Variants in TOM1L1 observed in about 807,000 individuals in gnomAD.
TOM1L1 encodes TOM1-like protein 1.
A neutral mutation model predicts 63.4 loss-of-function variants in TOM1L1; 64 were observed. The observed-to-expected ratio is 1.01, with a 90% CI of 0.83 to 1.24. The LOEUF (loss-of-function observed/expected upper bound fraction) is 1.24. Among genes scored for constraint, TOM1L1 ranks in the 50% most tolerant of loss-of-function variants. TOM1L1 has a pLI of 0.00. For synonymous variants in TOM1L1, 166 were observed against 194.4 expected, an observed-to-expected ratio of 0.85 and a Z score of 1.22; for missense variants, 536 against 567.0, an observed-to-expected ratio of 0.95 and a Z score of 0.55.
chr17:54,928,837 T>G (rs1225920223), intron 7 of TOM1L1, among the ~76,000 whole-genome samples: 1 of 152,212 alleles, frequency 6.6e-6, no homozygotes, highest in Non-Finnish European at 1.5e-5. Context: ...TATGTCATGT[T>G]GTCTTTTCAA....
chr17:54,912,009 C>T (rs2048504982), intron 3 of TOM1L1, among the ~76,000 whole-genome samples: 1 of 152,184 alleles, frequency 6.6e-6, no homozygotes, highest in Non-Finnish European at 1.5e-5. Context: ...GATGCCTCTA[C>T]TAGAGACAGA....
In TOM1L1 at chr17:54,950,517, T is replaced by C. The variant is rs375121293; in HGVS notation, c.1370+391T>C. Among the ~76,000 whole-genome samples the C allele has an allele frequency of 4.6e-5, 7 of 152,324 alleles. No homozygotes were observed. The East Asian group carries it at 1.4e-3, about 29-fold the overall frequency. ...TATGAACTGATCCAAAAAAATCTTA[T>C]ATTAGAACTTGTTTTTAGTCTTCTA... On this transcript the variant is annotated intron_variant, in intron 14 of 15. Transcript: ENST00000575882.
In TOM1L1 at chr17:54,914,719, G is replaced by T; in HGVS notation, c.579G>T (p.Ser193=). The T allele has an allele frequency of 6.2e-7, 1 of 1,613,160 alleles. No homozygotes were observed. The highest frequency in any genetic ancestry group is 1.1e-5 in the South Asian group (1 of 91,028). The change falls in exon 6 of 16, where the codon TCG becomes TCT. Residue 193 remains serine (S), a synonymous_variant. Coordinates refer to ENST00000575882, the MANE Select transcript of TOM1L1 (RefSeq NM_005486.3). ...ALSSVIAPKN[S]TVTLVPEQIG... ...CTTCTGTAATTGCTCCAAAGAACTC[G>T]ACTGTTACATTGGTCCCAGAACAGG...
At chr17:54,916,943 C>T (rs1325521768) in intron 7 of TOM1L1, 1 of 152,136 alleles carries the variant, frequency 6.6e-6, no homozygotes, top group Non-Finnish European at 1.5e-5. Flanking sequence ...AATTCTAGGC[C>T]TTTGAAGATA....
At chr17:54,947,221 C>T in intron 11 of TOM1L1, 40 bp from the exon 12 acceptor site, 1 of 1,602,216 alleles carries the variant, frequency 6.2e-7, no homozygotes, top group Non-Finnish European at 8.5e-7. Context: ...TTTGTGTTCT[C>T]ACTGTAGGGT....
chr17:54,920,459 A>G (rs545829942), intron 7 of TOM1L1, among the ~76,000 whole-genome samples: 6 of 152,326 alleles, frequency 3.9e-5, no homozygotes, highest in South Asian at 2.1e-4. Flanking sequence ...ATAAACCCCA[A>G]GGATTACAGA....
chr17:54,946,781 A>G (rs1259925067), intron 11 of TOM1L1, among the ~76,000 whole-genome samples: 1 of 152,206 alleles, frequency 6.6e-6, no homozygotes, highest in African/African-American at 2.4e-5. Flanking sequence ...CAGTTCAGTG[A>G]TACTTGAATT....
At chr17:54,949,170 T>G (rs1416387823) in intron 12 of TOM1L1, among the ~76,000 whole-genome samples, 1 of 151,342 alleles carries the variant, frequency 6.6e-6, no homozygotes, top group East Asian at 1.9e-4. Flanking sequence ...CTGGGGTAGC[T>G]GGGACTACAG....
chr17:54,942,900 T>G (rs1253312656), intron 11 of TOM1L1, among the ~76,000 whole-genome samples: 1 of 152,236 alleles, frequency 6.6e-6, no homozygotes, highest in Non-Finnish European at 1.5e-5. Flanking sequence ...ATAGTTTGTC[T>G]TTGAGAATGT....
chr17:54,961,029 C>A, intron 15 of TOM1L1: 1 of 584,852 alleles, frequency 1.7e-6, no homozygotes, highest in South Asian at 2.1e-5. Flanking sequence ...CTACTAATCC[C>A]ATGTATTTAC....
intron 14 of TOM1L1, chr17:54,955,252 G>C (rs528261103): frequency 6.6e-6 from 1 of 152,210 alleles, no homozygotes; most frequent in African/African-American, 2.4e-5. Flanking sequence ...TGTTCGGTCC[G>C]GGCAGCCTCC....
intron 7 of TOM1L1, among the ~76,000 whole-genome samples, chr17:54,919,985 GATTTATTT>G (rs377199384): frequency 6.6e-6 from 1 of 150,842 alleles, no homozygotes; most frequent in Non-Finnish European, 1.5e-5. Flanking sequence ...GTTTTTTATT[GATTTATTT>G]ATTTATTTAT....
intron 15 of TOM1L1, 26 bp downstream of exon 15, chr17:54,960,653 AATTCCAT>A (rs769984822): frequency 1.3e-6 from 2 of 1,523,220 alleles, no homozygotes; most frequent in South Asian, 1.1e-5. Flanking sequence ...TATACAACTT[AATTCCAT>A]ATTCCATATA....
chr17:54,916,016 G>A (rs2048582942), intron 7 of TOM1L1, 154 bp downstream of exon 7: 1 of 507,584 alleles, frequency 2.0e-6, no homozygotes, highest in Non-Finnish European at 3.4e-6. Context: ...AAATATCCAA[G>A]AATGACTTTG....
At chr17:54,940,817 A>C (rs937175515) in intron 11 of TOM1L1, among the ~76,000 whole-genome samples, 5 of 152,198 alleles carry the variant, frequency 3.3e-5, no homozygotes, top group African/African-American at 1.2e-4. Flanking sequence ...AAAAAGAGTG[A>C]AAGAGTGGTT....
intron 14 of TOM1L1, chr17:54,953,266 G>C (rs1168743924): frequency 6.6e-6 from 1 of 152,506 alleles, no homozygotes; most frequent in Non-Finnish European, 1.5e-5. Context: ...CTACTTGAGA[G>C]GCTAAGGTGG....
chr17:54,903,305 C>G (rs1597995990), intron 1 of TOM1L1, among the ~76,000 whole-genome samples: 1 of 152,208 alleles, frequency 6.6e-6, no homozygotes, highest in South Asian at 2.1e-4. Context: ...CCTCTCTGAA[C>G]TTCTATCTCA....
chr17:54,911,893 C>T (rs1197389038), intron 3 of TOM1L1, among the ~76,000 whole-genome samples: 1 of 152,150 alleles, frequency 6.6e-6, no homozygotes, highest in Non-Finnish European at 1.5e-5. Context: ...TTCATAGTGC[C>T]TTCAAGATAA....
In TOM1L1 at chr17:54,936,710, G is replaced by A; in HGVS notation, c.915+1G>A. ...TAAGAACCAGAAGGAAGCCACCAAT[G>A]TAAGTGATGAGAAATGTTATAAAAT... On this transcript the variant is annotated splice_donor_variant, in intron 9 of 15. Transcript: ENST00000575882. LOFTEE classifies it high-confidence loss of function. The A allele has an allele frequency of 6.2e-7, 1 of 1,606,656 alleles. No homozygotes were observed. The highest frequency in any genetic ancestry group is 8.5e-7 in the Non-Finnish European group (1 of 1,177,690).
Sources: allele counts gnomAD v4.1 joint callset (sites outside exome capture counted in the v4.1 genomes callset), GRCh38; gene constraint gnomAD v4.1.1; transcripts MANE v1.5; gene names NCBI Gene and HGNC (gene_info 2026-07-23, HGNC 2026-07-21).